Variants in POM121 observed in about 807,000 individuals in gnomAD.
POM121 encodes the protein POM121 transmembrane nucleoporin, also known as nuclear envelope pore membrane protein POM 121.
A neutral mutation model predicts 81.3 loss-of-function variants in POM121; 32 were observed. That is an observed-to-expected ratio of 0.39 (90% CI 0.30 to 0.53). The LOEUF is 0.53. Among genes scored for constraint, POM121 ranks in the 20% least tolerant of loss-of-function variants. The probability of loss-of-function intolerance (pLI) is 0.66; values close to 1 mark genes in which losing one functional copy is unlikely to be tolerated. For synonymous variants in POM121, 514 were observed against 694.2 expected (o/e 0.74, Z 4.08); for missense variants, 1,138 against 1,614.6 (o/e 0.70, Z 5.06).
At position 72,929,964 on chromosome 7, in the gene POM121, C is replaced by T; in HGVS notation, c.1128C>T (p.Leu376=). ...GGCCTGGGTCTCTGAAGAGAGGCCT[C>T]AATTCTCAGAGCTCAGATGACCACT... ...VPKPGSLKRG[L]NSQSSDDHLN... The change falls in exon 5 of 13, where the codon CTC becomes CTT. Residue 376 remains leucine, a synonymous_variant. Coordinates refer to ENST00000434423, the MANE Select transcript of POM121 (RefSeq NM_001387691.1). 1 of 1,611,720 alleles carries T rather than the reference C, an allele frequency of 6.2e-7. No individual in the cohort carries two copies. Among genetic ancestry groups the T allele is most frequent in the South Asian group, 1.1e-5 (1 of 90,984 alleles).
At chr7:72,895,222 G>A (rs560351494) in intron 3 of POM121, among the ~76,000 whole-genome samples, 3 of 152,168 alleles carry the variant, frequency 2.0e-5, no homozygotes, top group Non-Finnish European at 4.4e-5. Flanking sequence ...TCCCAACAGG[G>A]CATATCATGT....
chr7:72,907,642 C>T (rs1446431047), intron 3 of POM121, among the ~76,000 whole-genome samples: 2 of 152,078 alleles, frequency 1.3e-5, no homozygotes, highest in African/African-American at 4.8e-5. Flanking sequence ...TGTTGAGTAG[C>T]TGGGATTGCA....
downstream of POM121, chr7:72,948,498 G>A (rs371642309): frequency 2.0e-5 from 33 of 1,613,360 alleles, 1 homozygote; most frequent in African/African-American, 5.4e-5. Context: ...TGTGCAAGGC[G>A]GTGTGCAAGC....
At chr7:72,879,763 G>A (rs1328228741) in exon 1 of POM121, 13 of 488,948 alleles carry the variant, frequency 2.7e-5, no homozygotes, top group Admixed American at 1.5e-4. Flanking sequence ...GGCCCCTCGG[G>A]AGCAGAACAG....
At chr7:72,933,295 G>A (rs1435667534) in intron 5 of POM121, among the ~76,000 whole-genome samples, 2 of 152,150 alleles carry the variant, frequency 1.3e-5, no homozygotes, top group Non-Finnish European at 2.9e-5. Context: ...CAGAGGTCAA[G>A]TGAGCCGAGC....
At chr7:72,892,529 G>T (rs1404899087) in intron 3 of POM121, among the ~76,000 whole-genome samples, 1 of 152,170 alleles carries the variant, frequency 6.6e-6, no homozygotes, top group Admixed American at 6.5e-5. Flanking sequence ...CCCATACCTG[G>T]ATTACAGTGG....
chr7:72,946,460 C>G lies in POM121; in HGVS notation c.*226C>G, dbSNP rs1797700274. On this transcript the variant is annotated 3_prime_UTR_variant, in exon 13 of 13. Transcript: ENST00000434423. ...TGCGGAGGGCCAAAGCCCGGGACCT[C>G]TACTTGAACAGTTCTACTGGGGAGG... 7.2e-7 allele frequency: 1 copy of G among 1,385,632 alleles called. No homozygotes were observed. Among genetic ancestry groups the G allele is most frequent in the Non-Finnish European group, 9.4e-7 (1 of 1,067,248 alleles). 85.8% of individuals were successfully genotyped at this position (1,385,632 alleles called of 1,614,324 possible).
At chr7:72,883,892 T>G (rs561322689) in intron 1 of POM121, among the ~76,000 whole-genome samples, 11 of 152,268 alleles carry the variant, frequency 7.2e-5, no homozygotes, top group African/African-American at 2.4e-4. Flanking sequence ...CTACCATTTC[T>G]TCTTTATTTA....
intron 1 of POM121, among the ~76,000 whole-genome samples, chr7:72,889,756 G>C (rs1206490405): frequency 1.3e-5 from 2 of 152,106 alleles, no homozygotes; most frequent in African/African-American, 4.8e-5. Context: ...GAGCTCAAAC[G>C]ATCTTCCCAT....
At position 72,925,435 on chromosome 7, in the gene POM121, T is replaced by C. The variant is rs1554497027; in HGVS notation, c.314T>C (p.Leu105Pro). The change falls in exon 1 of 13, where the codon CTG (leucine) becomes CCG (proline). Residue 105 changes from leucine to proline, a missense_variant. Around this residue, in one of 7 missense-constraint regions of POM121, gnomAD observed 646 missense variants for 633.5 expected, o/e 1.02. Transcript: ENST00000434423. Reference sequence around the variant, plus strand: ...CGGAAGGCGCGTCATCGGCGAACACTGTTCGCTTCGCCTCTGGCCAAGTCG... The same window carrying C: ...CGGAAGGCGCGTCATCGGCGAACACCGTTCGCTTCGCCTCTGGCCAAGTCG... ...FVRKARHRRT[L>P]FASPLAKSTA... 3.3e-6 allele frequency: 5 copies of C among 1,533,742 alleles called. No individual in the cohort carries two copies.
At chr7:72,928,316 A>G (rs1795672411) in intron 3 of POM121, 69 bp from the exon 4 acceptor site, 8 of 1,580,794 alleles carry the variant, frequency 5.1e-6, no homozygotes, top group Admixed American at 1.7e-5. Context: ...TCCCAGAAAT[A>G]TGAGAATACA....
intron 11 of POM121, among the ~76,000 whole-genome samples, chr7:72,944,461 C>T (rs1260180482): frequency 4.0e-5 from 6 of 151,740 alleles, no homozygotes; most frequent in African/African-American, 9.7e-5. Context: ...GGGAAAGGAA[C>T]ATCATATTAA....
intron 5 of POM121, among the ~76,000 whole-genome samples, chr7:72,935,423 C>T (rs1554499282): frequency 6.6e-6 from 1 of 152,254 alleles, no homozygotes; most frequent in South Asian, 2.1e-4. Flanking sequence ...AATCTTCCCA[C>T]CTTGGCCTCC....
chr7:72,906,118 A>G (rs1442701886), intron 3 of POM121, among the ~76,000 whole-genome samples: 1 of 152,158 alleles, frequency 6.6e-6, no homozygotes, highest in African/African-American at 2.4e-5. Context: ...TTTCTGTGTC[A>G]TTATCTCTGC....
Position 72,948,255 on chromosome 7 carries a change from T to C in POM121, c.*2021T>C. On this transcript the variant is annotated 3_prime_UTR_variant, in exon 13 of 13. Coordinates refer to ENST00000434423, the MANE Select transcript of POM121 (RefSeq NM_001387691.1). ...ATTTTTAGTATGAATGTGAGATTTTTCTCCTGCTTGTGACATTAAGAATAA... is the reference window on the plus strand; with the variant it reads ...ATTTTTAGTATGAATGTGAGATTTTCCTCCTGCTTGTGACATTAAGAATAA... 1.4e-6 allele frequency: 2 copies of C among 1,460,728 alleles called. No homozygotes were observed. The highest frequency in any genetic ancestry group is 2.7e-5 in the Admixed American group (1 of 37,350). 90.5% of individuals were successfully genotyped at this position (1,460,728 alleles called of 1,614,324 possible).
chr7:72,928,424 G>A lies in POM121; in HGVS notation c.1062G>A (p.Glu354=). The change falls in exon 4 of 13, where the codon GAG becomes GAA. Residue 354 remains glutamate (E), a synonymous_variant. Transcript: ENST00000434423. ...DSSGSGHSAF[E]PLVANGVPAS... is the part of the protein sequence containing the mutation. ...GTGGCAGTGGACATTCAGCATTTGA[G>A]CCCCTGGTGGCCAATGGAGTCCCCG... The A allele has an allele frequency of 6.2e-7, 1 of 1,614,238 alleles. No individual in the cohort carries two copies. Among genetic ancestry groups the A allele is most frequent in the Non-Finnish European group, 8.5e-7 (1 of 1,180,038 alleles).
chr7:72,944,649 G>C (rs1797481261), intron 11 of POM121, among the ~76,000 whole-genome samples: 1 of 152,182 alleles, frequency 6.6e-6, no homozygotes, highest in African/African-American at 2.4e-5. Context: ...AGGAGGGGCA[G>C]CGGGTCAGTG....
chr7:72,898,292 C>T (rs1443961306), intron 3 of POM121, among the ~76,000 whole-genome samples: 39 of 152,156 alleles, frequency 2.6e-4, no homozygotes, highest in African/African-American at 9.2e-4. Context: ...TGGAGTCTCA[C>T]TAAGTTGCCC....
At position 72,943,401 on chromosome 7, in the gene POM121, C is replaced by T; in HGVS notation, c.3408C>T (p.Ser1136=). The T allele has an allele frequency of 1.9e-6, 3 of 1,613,402 alleles. No individual in the cohort carries two copies. Among genetic ancestry groups the T allele is most frequent in the Non-Finnish European group, 2.5e-6 (3 of 1,179,790 alleles). Residue 1136 remains serine, a synonymous_variant, in exon 11 of 13, where the codon AGC becomes AGT. Coordinates refer to ENST00000434423, the MANE Select transcript of POM121 (RefSeq NM_001387691.1). ...GCTTTGGAGCAGGACAGAGTGGGAGCACAGCCACCTCCACCCCCTTCGCAG... is the reference window on the plus strand; with the variant it reads ...GCTTTGGAGCAGGACAGAGTGGGAGTACAGCCACCTCCACCCCCTTCGCAG... The part of the protein sequence containing the change: ...AFSFGAGQSG[S]TATSTPFAGG...
Sources: gnomAD v4.1 joint callset for allele counts (sites outside exome capture counted in the v4.1 genomes callset) on GRCh38, gnomAD v4.1.1 for gene constraint, gnomAD v4.1.1 regional missense constraint, MANE v1.5 for transcripts, NCBI Gene and HGNC (gene_info 2026-07-23, HGNC 2026-07-21) for gene names.